CC2D2B: variants seen among roughly 807,000 people sequenced by gnomAD.
CC2D2B encodes the protein protein CC2D2B.
Under a neutral mutation model 161.2 loss-of-function variants are expected in CC2D2B, and 128 were observed. That is an observed-to-expected ratio of 0.79 (90% CI 0.69 to 0.92). The LOEUF (loss-of-function observed/expected upper bound fraction) is 0.92, where lower values mean the gene tolerates loss of function less well. CC2D2B is among the 40% of genes least tolerant of loss of function. The probability of loss-of-function intolerance (pLI) is 0.00; values close to 1 mark genes in which losing one functional copy is unlikely to be tolerated. For missense variants in CC2D2B, 1,173 were observed against 1,375.1 expected (o/e 0.85, Z 2.32); for synonymous variants, 391 against 449.8 (o/e 0.87, Z 1.65).
intron 28 of CC2D2B, 147 bp from the exon 29 acceptor site, chr10:96,013,641 C>T (rs1038978377): frequency 4.1e-6 from 2 of 482,738 alleles, no homozygotes; most frequent in Non-Finnish European, 3.6e-6. Flanking sequence ...TTACTCCAAG[C>T]TTATTTCCTC....
Position 95,921,942 on chromosome 10 carries a change from T to TAAA in CC2D2B, c.37-72_37-71insAAA, listed in dbSNP as rs2098528246. ...CACATGTACCCTAGGACTTAAAGTA[T>TAAA]AATAATAATAATAATAAAAGATGTT... On this transcript the variant is annotated intron_variant, in intron 2 of 34. Transcript: ENST00000646931. The TAAA allele has an allele frequency of 1.5e-5, 9 of 612,358 alleles. No homozygotes were observed. In the South Asian group the frequency reaches 2.3e-4, roughly 16 times the overall value. 37.9% of individuals were successfully genotyped at this position (612,358 alleles called of 1,614,324 possible). A position where few individuals can be genotyped will look rare whatever the true frequency, so the allele number is the denominator to read the frequency against.
chr10:95,997,786 T>A (rs1292008108), intron 24 of CC2D2B, among the ~76,000 whole-genome samples: 1 of 152,236 alleles, frequency 6.6e-6, no homozygotes, highest in East Asian at 1.9e-4. Flanking sequence ...AAGTTCCCAG[T>A]GGTTCTAATG....
intron 13 of CC2D2B, 43 bp from the exon 14 acceptor site, chr10:95,966,147 G>A (rs2076933099): frequency 2.6e-6 from 2 of 778,638 alleles, no homozygotes; most frequent in African/African-American, 3.6e-5. Flanking sequence ...GTCCTACACA[G>A]GGATGTACAT....
intron 7 of CC2D2B, 59 bp from the exon 8 acceptor site, chr10:95,938,510 T>A: frequency 1.6e-6 from 1 of 638,218 alleles, no homozygotes; most frequent in Non-Finnish European, 2.8e-6. Flanking sequence ...ACTTATTTGG[T>A]CAATATCCAT....
intron 1 of CC2D2B, among the ~76,000 whole-genome samples, chr10:95,910,782 C>T (rs969731010): frequency 1.3e-5 from 2 of 151,984 alleles, no homozygotes; most frequent in African/African-American, 4.8e-5. Context: ...TAATCAGATC[C>T]TTTTTTTTCT....
chr10:95,963,359 T>C (rs571100732), intron 12 of CC2D2B, among the ~76,000 whole-genome samples: 4 of 152,274 alleles, frequency 2.6e-5, no homozygotes, highest in East Asian at 3.9e-4. Flanking sequence ...CCTGGAAAGA[T>C]AGTACTCATG....
At chr10:95,961,727 G>A (rs2076769833) in intron 11 of CC2D2B, 102 bp from the exon 12 acceptor site, 1 of 503,516 alleles carries the variant, frequency 2.0e-6, no homozygotes. Context: ...AAGGTGGGGA[G>A]GGAGTTCAGA....
intron 33 of CC2D2B, 119 bp downstream of exon 33, chr10:96,025,030 C>G (rs1382382988): frequency 1.1e-5 from 6 of 524,080 alleles, no homozygotes; most frequent in Non-Finnish European, 2.0e-5. Context: ...ATATTTCCAG[C>G]TGGCCCAGTG....
At chr10:95,915,672 G>GTC (rs2098514853) in intron 2 of CC2D2B, among the ~76,000 whole-genome samples, 1 of 152,098 alleles carries the variant, frequency 6.6e-6, no homozygotes, top group Non-Finnish European at 1.5e-5. Context: ...TATGGTTTTT[G>GTC]TCTCTCATTC....
intron 12 of CC2D2B, among the ~76,000 whole-genome samples, chr10:95,962,828 A>C (rs1004311388): frequency 2.6e-5 from 4 of 151,050 alleles, no homozygotes; most frequent in Non-Finnish European, 4.4e-5. Context: ...CCAGCATTGA[A>C]CTTTATCTTA....
chr10:96,015,950 C>T (rs1012858351), intron 29 of CC2D2B, among the ~76,000 whole-genome samples: 1 of 152,120 alleles, frequency 6.6e-6, no homozygotes, highest in African/African-American at 2.4e-5. Context: ...ATTGTCTGGT[C>T]ACTCTATACA....
At chr10:96,014,776 A>T (rs1590887220) in intron 29 of CC2D2B, among the ~76,000 whole-genome samples, 1 of 152,198 alleles carries the variant, frequency 6.6e-6, no homozygotes. Context: ...AAAATCCAGA[A>T]CCTCCTTGAC....
intron 20 of CC2D2B, among the ~76,000 whole-genome samples, chr10:95,990,810 G>A (rs978130556): frequency 5.9e-5 from 9 of 152,204 alleles, no homozygotes; most frequent in African/African-American, 2.2e-4. Context: ...CTAAAAAGGA[G>A]ATGTTCAGAG....
chr10:95,978,661 T>C (rs890264363), intron 17 of CC2D2B, among the ~76,000 whole-genome samples: 1 of 152,208 alleles, frequency 6.6e-6, no homozygotes, highest in Non-Finnish European at 1.5e-5. Context: ...CCTAAGCCAC[T>C]GAGCCCAGCC....
chr10:95,942,006 T>C (rs1181716007), intron 9 of CC2D2B, among the ~76,000 whole-genome samples: 1 of 152,210 alleles, frequency 6.6e-6, no homozygotes, highest in Non-Finnish European at 1.5e-5. Context: ...ATAAATCTTG[T>C]CATATGCTAA....
At chr10:95,972,692 C>G (rs2077179014) in intron 16 of CC2D2B, among the ~76,000 whole-genome samples, 2 of 152,178 alleles carry the variant, frequency 1.3e-5, no homozygotes, top group Admixed American at 6.5e-5. Context: ...TGTCTTGGGT[C>G]AGATTTTTGG....
chr10:95,923,730 G>C (rs1264149033), intron 3 of CC2D2B, among the ~76,000 whole-genome samples: 2 of 152,164 alleles, frequency 1.3e-5, no homozygotes, highest in Non-Finnish European at 2.9e-5. Context: ...ATTTAAAAAA[G>C]AGGGCTGGGC....
intron 23 of CC2D2B, 88 bp from the exon 24 acceptor site, chr10:95,996,055 A>C (rs549055245): frequency 2.1e-6 from 1 of 477,664 alleles, no homozygotes; most frequent in Non-Finnish European, 3.5e-6. Context: ...CTTAAGCCAT[A>C]CATTTGCCAA....
At chr10:95,914,021 T>C (rs994225414) in intron 2 of CC2D2B, among the ~76,000 whole-genome samples, 1 of 152,230 alleles carries the variant, frequency 6.6e-6, no homozygotes, top group Non-Finnish European at 1.5e-5. Flanking sequence ...GGGGTATTAC[T>C]TAAGAAATCT....
Sources: gnomAD v4.1 joint callset for allele counts (sites outside exome capture counted in the v4.1 genomes callset) on GRCh38, gnomAD v4.1.1 for gene constraint, MANE v1.5 for transcripts, NCBI Gene and HGNC (gene_info 2026-07-23, HGNC 2026-07-21) for gene names.